GFOD1: variants seen among roughly 807,000 people sequenced by gnomAD.
GFOD1 encodes Gfo/Idh/MocA-like oxidoreductase domain containing 1, also known as glucose-fructose oxidoreductase domain-containing protein 1.
A neutral mutation model predicts 25.4 loss-of-function variants in GFOD1; 9 were observed. The ratio of observed to expected loss-of-function variants is 0.35; its 90% CI spans 0.21 to 0.62. The LOEUF (loss-of-function observed/expected upper bound fraction) is 0.62. Among genes scored for constraint, GFOD1 ranks in the 20% least tolerant of loss-of-function variants. The probability of loss-of-function intolerance (pLI) is 0.72; values close to 1 mark genes in which losing one functional copy is unlikely to be tolerated. For missense variants in GFOD1, 403 were observed against 556.9 expected (o/e 0.72, Z 2.78); for synonymous variants, 253 against 245.6 (o/e 1.03, Z -0.28).
intron 1 of GFOD1, among the ~76,000 whole-genome samples, chr6:13,402,586 T>A (rs1280252625): frequency 2.3e-5 from 1 of 43,658 alleles, no homozygotes; most frequent in Admixed American, 3.8e-4. Flanking sequence ...ATGCTCAACA[T>A]CATCAGTCTT....
chr6:13,424,488 G>A (rs1428825592), intron 1 of GFOD1, among the ~76,000 whole-genome samples: 2 of 152,114 alleles, frequency 1.3e-5, no homozygotes, highest in Non-Finnish European at 2.9e-5. Context: ...AGGTGAACAA[G>A]AGAATACTTT....
rs576989145 is a variant in GFOD1 at position 13,452,513 on chromosome 6, C to T, written c.253+34125G>A. On this transcript the variant is annotated intron_variant, in intron 1 of 1. Coordinates refer to ENST00000379287, the MANE Select transcript of GFOD1 (RefSeq NM_018988.4). ...AAGATCAAGGTGCCCGCAGATTCGG[C>T]ATCTGGTGAGGGCTCGCTCCCTTCC... Among the ~76,000 whole-genome samples, 5 of 152,326 alleles carry T rather than the reference C, an allele frequency of 3.3e-5. No homozygotes were observed. The East Asian group carries it at 9.7e-4, about 29-fold the overall frequency.
At chr6:13,406,617 G>T (rs1379136009) in intron 1 of GFOD1, among the ~76,000 whole-genome samples, 3 of 152,180 alleles carry the variant, frequency 2.0e-5, no homozygotes, top group African/African-American at 7.2e-5. Flanking sequence ...CTTACTTGAT[G>T]CTAAGTGCAA....
rs1410772644 is a variant in GFOD1, at chr6:13,363,266, C to A, written c.*1477G>T. 6.6e-6 allele frequency: 1 copy of A among 150,948 alleles called. No homozygotes were observed. Among genetic ancestry groups the A allele is most frequent in the Non-Finnish European group, 1.5e-5 (1 of 67,696 alleles). The allele number at this position is 150,948 out of a possible 1,614,324, so 9.4% of individuals were successfully genotyped here. ...ACGTGCATGTGTGTGTGTGTCTGTT[C>A]CCTTTTGGCACTGCCTGCTCCCAGC... On this transcript the variant is annotated 3_prime_UTR_variant, in exon 2 of 2. Transcript: ENST00000379287.
intron 1 of GFOD1, among the ~76,000 whole-genome samples, chr6:13,400,900 C>G (rs968197829): frequency 2.6e-5 from 4 of 152,194 alleles, no homozygotes; most frequent in African/African-American, 9.6e-5. Context: ...CTCCACCATT[C>G]TTTATCACTA....
chr6:13,405,419 C>T (rs975861349), intron 1 of GFOD1, among the ~76,000 whole-genome samples: 1 of 152,184 alleles, frequency 6.6e-6, no homozygotes, highest in Admixed American at 6.5e-5. Context: ...TCAGTATAAA[C>T]ATTTCTCTTT....
At position 13,364,246 on chromosome 6, in the gene GFOD1, T is replaced by A. The variant is rs1784995346; in HGVS notation, c.*497A>T. ...GAATTTGAACTTTCTCACCAGCCCA[T>A]CCCACCCCCAACCCCAGCCTAACAC... On this transcript the variant is annotated 3_prime_UTR_variant, in exon 2 of 2. Transcript: ENST00000379287. The surrounding 1 kb of genome is among the most constrained non-coding windows in gnomAD (Gnocchi z 4.1). The A allele has an allele frequency of 6.3e-6, 1 of 157,934 alleles. No homozygotes were observed. Among genetic ancestry groups the A allele is most frequent in the Non-Finnish European group, 1.4e-5 (1 of 71,702 alleles). 9.8% of individuals were successfully genotyped at this position (157,934 alleles called of 1,614,324 possible).
At chr6:13,414,641 T>C (rs760122934) in intron 1 of GFOD1, among the ~76,000 whole-genome samples, 14 of 152,158 alleles carry the variant, frequency 9.2e-5, no homozygotes, top group Non-Finnish European at 2.1e-4. Context: ...ACAGCATGCA[T>C]ATCATAGGCA....
chr6:13,405,707 T>G (rs975561868), intron 1 of GFOD1, among the ~76,000 whole-genome samples: 2 of 152,152 alleles, frequency 1.3e-5, no homozygotes, highest in Non-Finnish European at 2.9e-5. Context: ...TGAGATGGAA[T>G]GAAACTTAGA....
chr6:13,411,463 T>C (rs1251441606), intron 1 of GFOD1, among the ~76,000 whole-genome samples: 1 of 152,122 alleles, frequency 6.6e-6, no homozygotes, highest in African/African-American at 2.4e-5. Context: ...GGCTAATTTT[T>C]GTATTTTTAG....
At chr6:13,445,186 C>T (rs1016325043) in intron 1 of GFOD1, among the ~76,000 whole-genome samples, 5 of 152,208 alleles carry the variant, frequency 3.3e-5, no homozygotes, top group Non-Finnish European at 5.9e-5. Context: ...GTTAGCATTC[C>T]GGTGAAGGTA....
At chr6:13,443,544 G>A (rs748977032) in intron 1 of GFOD1, among the ~76,000 whole-genome samples, 4 of 152,108 alleles carry the variant, frequency 2.6e-5, no homozygotes, top group Non-Finnish European at 2.9e-5. Context: ...AGCCAGGCAC[G>A]ATGGCTCATG....
rs866189022 is a variant in GFOD1 at position 13,364,844 on chromosome 6, C to T, written c.1072G>A (p.Glu358Lys). The change falls in exon 2 of 2, where the codon GAG becomes AAG. Residue 358 changes from glutamate to lysine, a missense_variant. Coordinates refer to ENST00000379287, the MANE Select transcript of GFOD1 (RefSeq NM_018988.4). The surrounding 1 kb of genome is among the most constrained non-coding windows in gnomAD (Gnocchi z 4.1). ...GTCATGATGGCAATGTTCTGCCACT[C>T]GCCCGTCTGGCTGGACCTCTTGATG... ...DTIKRSSQTG[E>K]WQNIAIMTEE... is the part of the protein sequence containing the mutation. The T allele has an allele frequency of 6.2e-7, 1 of 1,614,052 alleles. No homozygotes were observed. Among genetic ancestry groups the T allele is most frequent in the South Asian group, 1.1e-5 (1 of 91,084 alleles).
At position 13,365,072 on chromosome 6, in the gene GFOD1, C is replaced by A; in HGVS notation, c.844G>T (p.Ala282Ser). The change falls in exon 2 of 2, where the codon GCC becomes TCC. Residue 282 changes from alanine to serine, a missense_variant. By Grantham distance (99) the Ala-to-Ser change is moderately conservative (BLOSUM62 1). Coordinates refer to ENST00000379287, the MANE Select transcript of GFOD1 (RefSeq NM_018988.4). This position sits in a 1 kb window ranked among gnomAD's most constrained non-coding sequence, Gnocchi z 9.2. ...AGCAGGGAGTTGCTCACCGGCGTGG[C>A]GTCCTGCACCAGCAGCTCCTGCTCC... ...APEQELLVQD[A>S]TPVSNSLLPE... 6.2e-7 allele frequency: 1 copy of A among 1,611,548 alleles called. No individual in the cohort carries two copies. Among genetic ancestry groups the A allele is most frequent in the Non-Finnish European group, 8.5e-7 (1 of 1,179,858 alleles).
rs559047288 is a variant in GFOD1, at chr6:13,385,295, T to C, written c.254-19633A>G. On this transcript the variant is annotated intron_variant, in intron 1 of 1. Transcript: ENST00000379287. ...GCAGGAGAGATTCCACCCAGGTACC[T>C]GCCCCCATGGAGCTCTGGTCCTACT... 9.2e-5 allele frequency among the ~76,000 whole-genome samples: 14 copies of C among 152,302 alleles called. No homozygotes were observed. The South Asian group carries it at 2.5e-3, about 27-fold the overall frequency.
rs751355135 is a variant in GFOD1 at position 13,365,616 on chromosome 6, G to T, written c.300C>A (p.Asp100Glu). Residue 100 changes from aspartate to glutamate, a missense_variant, in exon 2 of 2, where the codon GAC (aspartate) becomes GAA (glutamate). Transcript: ENST00000379287. This position sits in a 1 kb window ranked among gnomAD's most constrained non-coding sequence, Gnocchi z 9.2. ...GGGCGGCCGAGGTCATGCGGAAAGC[G>T]TCCAGCGGCGTGGCCGTGCGGTCGC... is the stretch of plus-strand genomic sequence containing the variant. ...VICDRTATPL[D>E]AFRMTSAAHY... is the part of the protein sequence containing the mutation. The T allele has an allele frequency of 1.2e-6, 2 of 1,601,784 alleles. No individual in the cohort carries two copies. Among genetic ancestry groups the T allele is most frequent in the South Asian group, 2.2e-5 (2 of 91,064 alleles).
intron 1 of GFOD1, among the ~76,000 whole-genome samples, chr6:13,478,289 A>G (rs1325724613): frequency 6.6e-6 from 1 of 151,970 alleles, no homozygotes; most frequent in Non-Finnish European, 1.5e-5. Context: ...ACAGGTGCAC[A>G]ACACCACTCC....
chr6:13,441,648 A>G (rs1332043047), intron 1 of GFOD1, among the ~76,000 whole-genome samples: 2 of 152,218 alleles, frequency 1.3e-5, no homozygotes, highest in South Asian at 2.1e-4. Flanking sequence ...TATTGGTATA[A>G]CAACATACCA....
intron 1 of GFOD1, among the ~76,000 whole-genome samples, chr6:13,401,684 T>G (rs865997011): frequency 6.6e-5 from 10 of 152,174 alleles, no homozygotes; most frequent in Middle Eastern, 3.2e-3. Context: ...AAGATCTTAA[T>G]CACTGGAATG....
Sources: gnomAD v4.1 joint callset for allele counts (sites outside exome capture counted in the v4.1 genomes callset) on GRCh38, gnomAD v4.1.1 for gene constraint, Gnocchi (gnomAD v3.1) non-coding constraint, MANE v1.5 for transcripts, NCBI Gene and HGNC (gene_info 2026-07-23, HGNC 2026-07-21) for gene names.